The following KIF14 variants were observed in gnomAD, a reference collection of about 807,000 sequenced individuals.
KIF14 encodes kinesin-like protein KIF14.
In KIF14, 98 loss-of-function variants were observed where a neutral mutation model predicts 176.2. That is an observed-to-expected ratio of 0.56 (90% confidence interval 0.47 to 0.66). The LOEUF (loss-of-function observed/expected upper bound fraction) is 0.66, where lower values mean the gene tolerates loss of function less well. Among genes scored for constraint, KIF14 ranks in the 30% least tolerant of loss-of-function variants. KIF14 has a pLI of 0.00. For missense variants in KIF14, 1,751 were observed against 1,920.4 expected (o/e 0.91, Z 1.65); for synonymous variants, 566 against 632.2 (o/e 0.90, Z 1.57).
Position 200,575,635 on chromosome 1 carries a change from T to C in KIF14, c.3522A>G (p.Glu1174=), listed in dbSNP as rs750658955. 6.3e-7 allele frequency: 1 copy of C among 1,591,036 alleles called. No homozygotes were observed. Among genetic ancestry groups the C allele is most frequent in the South Asian group, 1.1e-5 (1 of 87,146 alleles). ...AAACTGGTGCATCTGTAATGTCGGG[T>C]TCCCATTCATCTTCAGGATCACAAA... is the stretch of plus-strand genomic sequence containing the variant. ...DAFCDPEDEW[E]PDITDAPVSS... Residue 1174 remains glutamate (E), a synonymous_variant, in exon 22 of 30, where the codon GAA becomes GAG. Transcript: ENST00000367350.
At position 200,601,880 on chromosome 1, in the gene KIF14, C is replaced by A. The variant is rs1320338625; in HGVS notation, c.2152+16G>T. 1 of 1,582,466 alleles carries A rather than the reference C, an allele frequency of 6.3e-7. No individual in the cohort carries two copies. The highest frequency in any genetic ancestry group is 8.6e-7 in the Non-Finnish European group (1 of 1,161,290). On this transcript the variant is annotated intron_variant, in intron 11 of 29. Coordinates refer to ENST00000367350, the MANE Select transcript of KIF14 (RefSeq NM_014875.3). Reference sequence around the variant, plus strand: ...ACTGTGGCAAAACAATTTTTAAATTCTGAGAAAATATTCACCTCTAATTAA... The same window carrying A: ...ACTGTGGCAAAACAATTTTTAAATTATGAGAAAATATTCACCTCTAATTAA...
chr1:200,612,546 T>C (rs1660206011), intron 4 of KIF14, among the ~76,000 whole-genome samples: 1 of 152,164 alleles, frequency 6.6e-6, no homozygotes, highest in Non-Finnish European at 1.5e-5. Context: ...TTGAATCATA[T>C]TTCATCTCAT....
At chr1:200,613,551 C>T (rs954287292) in intron 4 of KIF14, among the ~76,000 whole-genome samples, 2 of 152,124 alleles carry the variant, frequency 1.3e-5, no homozygotes, top group Non-Finnish European at 1.5e-5. Context: ...CTTTTAACTC[C>T]ACACCCCTAA....
chr1:200,618,553 T>G lies in KIF14; in HGVS notation c.171A>C (p.Ala57=). ...CENDDPLLRS[A]GKVRDINRTY... ...TTCTATTTATGTCTCTGACTTTACC[T>G]GCAGATCTCAATAATGGATCATCAT... The change falls in exon 2 of 30, where the codon GCA becomes GCC. Residue 57 remains alanine, a synonymous_variant. Coordinates refer to ENST00000367350, the MANE Select transcript of KIF14 (RefSeq NM_014875.3). 6.2e-7 allele frequency: 1 copy of G among 1,614,202 alleles called. No individual in the cohort carries two copies. Among genetic ancestry groups the G allele is most frequent in the Non-Finnish European group, 8.5e-7 (1 of 1,180,020 alleles).
At chr1:200,584,304 T>C (rs1658624926) in intron 19 of KIF14, among the ~76,000 whole-genome samples, 1 of 151,992 alleles carries the variant, frequency 6.6e-6, no homozygotes, top group Admixed American at 6.6e-5. Flanking sequence ...GCTAACCCTT[T>C]TCAAACTCTT....
intron 15 of KIF14, among the ~76,000 whole-genome samples, chr1:200,592,635 A>G (rs1260063030): frequency 5.3e-5 from 8 of 152,156 alleles, no homozygotes; most frequent in Non-Finnish European, 1.2e-4. Flanking sequence ...TGGCCTCCCA[A>G]CGTTTATTAC....
chr1:200,572,560 G>A (rs942515724), intron 22 of KIF14, among the ~76,000 whole-genome samples: 3 of 152,070 alleles, frequency 2.0e-5, no homozygotes, highest in Non-Finnish European at 4.4e-5. Flanking sequence ...AGCCAGGATG[G>A]TCTCAATCTC....
Position 200,590,074 on chromosome 1 carries a change from A to C in KIF14, c.2961+51T>G. ...TAATCAACTTTATAGGCAACACATC[A>C]CTTGGGGTACACTGTCGGAAAAAAA... On this transcript the variant is annotated intron_variant, in intron 17 of 29. Transcript: ENST00000367350. The C allele has an allele frequency of 1.3e-6, 2 of 1,546,702 alleles. 1 individual carries two copies.
intron 14 of KIF14, among the ~76,000 whole-genome samples, chr1:200,593,983 T>G (rs566949097): frequency 7.9e-6 from 1 of 126,024 alleles, no homozygotes; most frequent in East Asian, 2.6e-4. Context: ...CAGGCTGGAG[T>G]GTAGTGATAC....
In KIF14 at chr1:200,598,374, A is replaced by C. The variant is rs752204684; in HGVS notation, c.2412T>G (p.Val804=). The C allele has an allele frequency of 6.2e-6, 10 of 1,611,166 alleles. No individual in the cohort carries two copies. Among genetic ancestry groups the C allele is most frequent in the Non-Finnish European group, 8.5e-6 (10 of 1,179,204 alleles). The part of the protein sequence containing the change: ...FQMDNHLPNL[V]NLNEDPQLSE... ...ATAGTTGTGGATCTTCATTCAGATT[A>C]ACAAGGTTTGGTAAATGATTGTCCA... The change falls in exon 14 of 30, where the codon GTT becomes GTG. Residue 804 remains valine (V), a synonymous_variant. Coordinates refer to ENST00000367350, the MANE Select transcript of KIF14 (RefSeq NM_014875.3).
At chr1:200,554,424 A>T in intron 29 of KIF14, 44 bp downstream of exon 29, 1 of 1,319,250 alleles carries the variant, frequency 7.6e-7, no homozygotes, top group Non-Finnish European at 1.1e-6. Context: ...AAGGTTCCTT[A>T]AAATATAAAA....
chr1:200,565,110 C>G lies in KIF14; in HGVS notation c.4030G>C (p.Glu1344Gln), dbSNP rs1175913043. Residue 1344 changes from glutamate (E) to glutamine (Q), a missense_variant, in exon 25 of 30, where the codon GAA becomes CAA. Transcript: ENST00000367350. ...AAGTAGCCTCCCAGTTTTTTAACTT[C>G]TTGTCTCAACTCATCCTCAAGTCTT... ...IARLEDELRQ[E>Q]VKKLGGYLQL... The G allele has an allele frequency of 1.2e-5, 20 of 1,612,264 alleles. No individual in the cohort carries two copies. The highest frequency in any genetic ancestry group is 1.7e-5 in the Non-Finnish European group (20 of 1,179,506).
At chr1:200,601,759 G>T in intron 11 of KIF14, 137 bp downstream of exon 11, 2 of 618,920 alleles carry the variant, frequency 3.2e-6, no homozygotes, top group Non-Finnish European at 5.6e-6. Context: ...CATCACTATA[G>T]GCTGATGACT....
chr1:200,590,250 C>T lies in KIF14; in HGVS notation c.2836G>A (p.Ala946Thr). The T allele has an allele frequency of 6.2e-7, 1 of 1,613,250 alleles. No individual in the cohort carries two copies. The highest frequency in any genetic ancestry group is 8.5e-7 in the Non-Finnish European group (1 of 1,179,786). ...RSQLEAEIKE[A>T]QLKAKEEMMQ... Reference sequence around the variant, plus strand: ...ATTTCTTCCTTTGCCTTCAACTGAGCCTCTTTTATTTCTGCTTCAAGTCTA... The same window carrying T: ...ATTTCTTCCTTTGCCTTCAACTGAGTCTCTTTTATTTCTGCTTCAAGTCTA... The change falls in exon 17 of 30, where the codon GCT becomes ACT. Residue 946 changes from alanine (A) to threonine (T), a missense_variant. Transcript: ENST00000367350.
chr1:200,586,227 C>A lies in KIF14; in HGVS notation c.3115G>T (p.Ala1039Ser), dbSNP rs751036438. ...LEMETLATKQALEDHSIRHAR... is the reference protein window; with the variant it reads ...LEMETLATKQSLEDHSIRHAR... ...TGGCGGATGCTATGGTCTTCTAAAG[C>A]CTAATTGATATTCATTCATACAGAC... is the stretch of plus-strand genomic sequence containing the variant. Residue 1039 changes from alanine (A) to serine (S), a missense_variant and splice_region_variant, in exon 19 of 30, where the codon GCT (alanine) becomes TCT (serine). By Grantham distance (99) the Ala-to-Ser change is moderately conservative (BLOSUM62 1). Coordinates refer to ENST00000367350, the MANE Select transcript of KIF14 (RefSeq NM_014875.3). 1.9e-6 allele frequency: 3 copies of A among 1,582,096 alleles called. No homozygotes were observed. In the Admixed American group the frequency reaches 5.3e-5, roughly 28 times the overall value.
intron 9 of KIF14, 73 bp from the exon 10 acceptor site, chr1:200,603,414 T>G: frequency 1.3e-6 from 1 of 740,914 alleles, no homozygotes; most frequent in South Asian, 1.6e-5. Context: ...AAAATATATT[T>G]CTCCCCTCAT....
At chr1:200,594,228 T>C (rs7536811) in intron 14 of KIF14, among the ~76,000 whole-genome samples, 33,988 of 151,680 alleles carry the variant, frequency 0.22, 5,401 homozygotes, top group African/African-American at 0.44. Context: ...AGCCACTGCA[T>C]CGAGCCTCCA....
At chr1:200,612,306 C>G (rs1660197350) in intron 4 of KIF14, among the ~76,000 whole-genome samples, 1 of 152,110 alleles carries the variant, frequency 6.6e-6, no homozygotes, top group Admixed American at 6.6e-5. Context: ...CCTGGCCAAC[C>G]AGGCTCTTAA....
At chr1:200,617,406 T>C (rs1358711788) in intron 2 of KIF14, among the ~76,000 whole-genome samples, 1 of 152,230 alleles carries the variant, frequency 6.6e-6, no homozygotes, top group East Asian at 1.9e-4. Context: ...ATATACAAAA[T>C]ATGGTGATTC....
Sources: allele counts gnomAD v4.1 joint callset (sites outside exome capture counted in the v4.1 genomes callset), GRCh38; gene constraint gnomAD v4.1.1; transcripts MANE v1.5; gene names NCBI Gene and HGNC (gene_info 2026-07-23, HGNC 2026-07-21).